The following CCDC88A variants were observed in gnomAD, a reference collection of about 807,000 sequenced individuals.
CCDC88A encodes coiled-coil and HOOK domain protein 88A.
Under a neutral mutation model 234.3 loss-of-function variants are expected in CCDC88A, and 54 were observed. The observed-to-expected ratio is 0.23, with a 90% CI of 0.19 to 0.29. The LOEUF (loss-of-function observed/expected upper bound fraction) is 0.29, where lower values mean the gene tolerates loss of function less well. Among genes scored for constraint, CCDC88A ranks in the 10% least tolerant of loss-of-function variants. The pLI is 1.00. For missense variants in CCDC88A, 1,832 were observed against 2,123.4 expected, an observed-to-expected ratio of 0.86 and a Z score of 2.70; for synonymous variants, 753 against 737.8, an observed-to-expected ratio of 1.02 and a Z score of -0.33.
chr2:55,384,591 A>ACATATACGTATATATGCGTATATATACG (rs1675225747), intron 3 of CCDC88A, among the ~76,000 whole-genome samples: 2 of 2,380 alleles, frequency 8.4e-4, no homozygotes, highest in African/African-American at 1.7e-3. Context: ...GTATATATAC[A>ACATATACGTATATATGCGTATATATACG]CATATATACG....
intron 4 of CCDC88A, among the ~76,000 whole-genome samples, chr2:55,374,368 C>CTAAATAAA (rs144921253): frequency 6.6e-6 from 1 of 151,646 alleles, no homozygotes; most frequent in Non-Finnish European, 1.5e-5. Context: ...AACTGCATCT[C>CTAAATAAA]TAAATAAATA....
chr2:55,360,959 C>T (rs983955120), intron 7 of CCDC88A, among the ~76,000 whole-genome samples: 11 of 152,034 alleles, frequency 7.2e-5, no homozygotes, highest in Admixed American at 4.6e-4. Context: ...CGTGGTGGCG[C>T]GTGCCTGTAA....
chr2:55,416,081 C>A (rs1285236340), intron 2 of CCDC88A, among the ~76,000 whole-genome samples: 7 of 151,370 alleles, frequency 4.6e-5, no homozygotes, highest in East Asian at 3.9e-4. Context: ...CAAAATGACA[C>A]AGACAGAATT....
chr2:55,377,336 G>A (rs1039837381), intron 3 of CCDC88A, among the ~76,000 whole-genome samples: 2 of 146,352 alleles, frequency 1.4e-5, no homozygotes, highest in Non-Finnish European at 3.0e-5. Context: ...TTTTTTATTT[G>A]TTATAGAGAC....
chr2:55,365,904 G>A (rs1305333694), intron 5 of CCDC88A, among the ~76,000 whole-genome samples: 3 of 152,178 alleles, frequency 2.0e-5, no homozygotes, highest in African/African-American at 7.2e-5. Flanking sequence ...CTGAGTACCT[G>A]AAATGTAGCT....
At chr2:55,354,076 G>A (rs1280480126) in intron 8 of CCDC88A, among the ~76,000 whole-genome samples, 1 of 151,804 alleles carries the variant, frequency 6.6e-6, no homozygotes, top group Non-Finnish European at 1.5e-5. Flanking sequence ...AAGTATTTGT[G>A]TTTTTAAACA....
In CCDC88A at chr2:55,384,440, A is replaced by G. The variant is rs551105332; in HGVS notation, c.273+4338T>C. ...TTTTTCTAATTTTCTACATTACAAC[A>G]ATATTGCTTCTATATGAACTTGCTT... On this transcript the variant is annotated intron_variant, in intron 3 of 32. Coordinates refer to ENST00000436346, the MANE Select transcript of CCDC88A (RefSeq NM_001365480.1). Among the ~76,000 whole-genome samples the G allele has an allele frequency of 5.4e-4, 80 of 148,294 alleles. 1 individual carries two copies. Among genetic ancestry groups the G allele is most frequent in the African/African-American group, 1.8e-3 (72 of 40,570 alleles).
intron 25 of CCDC88A, 193 bp downstream of exon 25, chr2:55,308,616 G>A (rs1558641735): frequency 1.8e-6 from 1 of 554,496 alleles, no homozygotes; most frequent in East Asian, 3.0e-5. Context: ...CCAAATGATA[G>A]TATATCTGTG....
Position 55,334,247 on chromosome 2 carries a change from C to A in CCDC88A, c.2574G>T (p.Lys858Asn). The A allele has an allele frequency of 7.0e-7, 1 of 1,438,322 alleles. No homozygotes were observed. The highest frequency in any genetic ancestry group is 9.1e-7 in the Non-Finnish European group (1 of 1,098,904). The allele number at this position is 1,438,322 out of a possible 1,614,324, so 89.1% of individuals were successfully genotyped here. ...TGTTTTCTTTTTCCAAATTTCCAATCTTCACATTATTTTCTTCTAATGTGG... is the reference window on the plus strand; with the variant it reads ...TGTTTTCTTTTTCCAAATTTCCAATATTCACATTATTTTCTTCTAATGTGG... ...KDTTLEENNV[K>N]IGNLEKENKT... is the part of the protein sequence containing the mutation. Residue 858 changes from lysine (K) to asparagine (N), a missense_variant, in exon 15 of 33, where the codon AAG becomes AAT. This residue lies in a region of CCDC88A where 1,282 missense variants were observed against 1,543.6 expected (regional missense o/e 0.83). Transcript: ENST00000436346. The surrounding 1 kb of genome is among the most constrained non-coding windows in gnomAD (Gnocchi z 6.1).
chr2:55,406,160 T>TG (rs1553438265), intron 2 of CCDC88A: 8 of 83,972 alleles, frequency 9.5e-5, no homozygotes, highest in Admixed American at 3.0e-4. Flanking sequence ...GACTCTGTCC[T>TG]GAAAAAAAAA....
chr2:55,302,201 A>G, intron 26 of CCDC88A, 129 bp from the exon 27 acceptor site: 1 of 685,544 alleles, frequency 1.5e-6, no homozygotes, highest in East Asian at 2.7e-5. Context: ...TTATAACCAC[A>G]TGGTCATTTA....
chr2:55,347,606 C>CTTTTT lies in CCDC88A; in HGVS notation c.883-1278_883-1274dup, dbSNP rs547733323. ...ATACCTATGTTATCTATTCATCTAC[C>CTTTTT]TTTTTTTTTTTTTTTTTTTTGAGAC... On this transcript the variant is annotated intron_variant, in intron 9 of 32. Coordinates refer to ENST00000436346, the MANE Select transcript of CCDC88A (RefSeq NM_001365480.1). Among the ~76,000 whole-genome samples the CTTTTT allele has an allele frequency of 8.8e-5, 9 of 102,136 alleles. 1 individual carries two copies. In the East Asian group the frequency reaches 1.4e-3, roughly 16 times the overall value. The allele number at this position is 102,136 out of a possible 152,430, so 67.0% of individuals were successfully genotyped here. A position where few individuals can be genotyped will look rare whatever the true frequency, so the allele number is the denominator to read the frequency against.
chr2:55,367,565 G>A (rs1340812986), intron 5 of CCDC88A, among the ~76,000 whole-genome samples: 1 of 87,034 alleles, frequency 1.1e-5, no homozygotes, highest in Admixed American at 1.3e-4. Flanking sequence ...TACGTTACCA[G>A]GCTGGAACAC....
At chr2:55,369,449 CTTTTTT>C (rs10587591) in intron 5 of CCDC88A, among the ~76,000 whole-genome samples, 6 of 125,430 alleles carry the variant, frequency 4.8e-5, no homozygotes, top group Admixed American at 8.1e-5. Context: ...TTCAACCACA[CTTTTTT>C]TTTTTTTTTT....
In CCDC88A at chr2:55,290,584, T is replaced by A. The variant is rs976408731; in HGVS notation, c.*616A>T. 2.0e-5 allele frequency: 3 copies of A among 152,228 alleles called. No homozygotes were observed. Among genetic ancestry groups the A allele is most frequent in the South Asian group, 2.1e-4 (1 of 4,834 alleles). The allele number at this position is 152,228 out of a possible 1,614,324, so 9.4% of individuals were successfully genotyped here. A position where few individuals can be genotyped will look rare whatever the true frequency, so the allele number is the denominator to read the frequency against. ...TTTCATTATGGATTTTTCAGATTTA[T>A]CTTATAAACTGAATTTCTTTTGCAT... On this transcript the variant is annotated 3_prime_UTR_variant, in exon 33 of 33. Transcript: ENST00000436346.
At chr2:55,410,781 T>A (rs1310568530) in intron 2 of CCDC88A, among the ~76,000 whole-genome samples, 3 of 152,002 alleles carry the variant, frequency 2.0e-5, no homozygotes, top group Non-Finnish European at 4.4e-5. Context: ...TAGTCCTAGC[T>A]ACTCAGGAGG....
At chr2:55,294,317 G>A (rs1323596664) in intron 31 of CCDC88A, 1 of 983,336 alleles carries the variant, frequency 1.0e-6, no homozygotes, top group African/African-American at 1.7e-5. Flanking sequence ...GATGAAAAGT[G>A]CAGAGAAGAA....
chr2:55,291,205 A>G (rs1679416247), intron 32 of CCDC88A, 41 bp from the exon 33 acceptor site: 1 of 152,592 alleles, frequency 6.6e-6, no homozygotes, highest in Non-Finnish European at 1.5e-5. Flanking sequence ...AGAAAATATA[A>G]GAAAAGCTTA....
chr2:55,310,419 A>C (rs957608840), intron 23 of CCDC88A, among the ~76,000 whole-genome samples: 13 of 152,070 alleles, frequency 8.5e-5, no homozygotes, highest in African/African-American at 3.1e-4. Flanking sequence ...CTGTTTTTAC[A>C]AAAAATACAA....
Sources: gnomAD v4.1 joint callset for allele counts (sites outside exome capture counted in the v4.1 genomes callset) on GRCh38, gnomAD v4.1.1 for gene constraint, gnomAD v4.1.1 regional missense constraint, Gnocchi (gnomAD v3.1) non-coding constraint, MANE v1.5 for transcripts, NCBI Gene and HGNC (gene_info 2026-07-23, HGNC 2026-07-21) for gene names.